The following TRPM3 variants were observed in gnomAD, a reference collection of about 807,000 sequenced individuals.
TRPM3 encodes the protein long transient receptor potential channel 3.
A neutral mutation model predicts 181.2 loss-of-function variants in TRPM3; 77 were observed. The observed-to-expected ratio is 0.42, with a 90% CI of 0.35 to 0.51. TRPM3 has a LOEUF of 0.51. Among genes scored for constraint, TRPM3 ranks in the 20% least tolerant of loss-of-function variants. The pLI, the probability that TRPM3 is intolerant of heterozygous loss-of-function variation, is 0.01. For missense variants in TRPM3, 1,759 were observed against 2,196.7 expected (o/e 0.80, Z 3.98); for synonymous variants, 745 against 796.4 (o/e 0.94, Z 1.09).
rs79494606 is a variant in TRPM3, at chr9:71,034,196, G to C, written c.177+86982C>G. ...GCCGCAATCTCTGACTGCCATGATA[G>C]CCTCATCTCAGCTCTGCTTGGCATA... On this transcript the variant is annotated intron_variant, in intron 1 of 25. Transcript: ENST00000677713. Among the ~76,000 whole-genome samples the C allele has an allele frequency of 5.0e-3, 755 of 152,264 alleles. 19 individuals carry two copies. In the East Asian group the frequency reaches 0.078, roughly 16 times the overall value.
intron 1 of TRPM3, among the ~76,000 whole-genome samples, chr9:71,292,735 G>A (rs2085921877): frequency 6.6e-6 from 1 of 151,720 alleles, no homozygotes; most frequent in African/African-American, 2.4e-5. Context: ...CAATAACCTC[G>A]ATATATTACT....
intron 22 of TRPM3, among the ~76,000 whole-genome samples, chr9:70,578,298 C>CA (rs56376771): frequency 0.014 from 1,639 of 116,314 alleles, 11 homozygotes; most frequent in African/African-American, 0.023. Context: ...CTTTTGTATC[C>CA]AAAAAAAAAA....
intron 9 of TRPM3, among the ~76,000 whole-genome samples, chr9:70,662,625 C>A (rs1366351011): frequency 2.6e-5 from 4 of 152,056 alleles, no homozygotes; most frequent in Admixed American, 6.6e-5. Flanking sequence ...AAATGGCCAA[C>A]AAACACATGA....
rs117546444 is a variant in TRPM3 at position 70,777,272 on chromosome 9, T to C, written c.1148+6833A>G. On this transcript the variant is annotated intron_variant, in intron 7 of 25. Transcript: ENST00000677713. ...TTTCCTAAAGAGTTTTGCTCAACTC[T>C]TTAGAAAATAGTGTGGAGCTGAGCA... Among the ~76,000 whole-genome samples the C allele has an allele frequency of 5.1e-3, 774 of 152,270 alleles. 4 individuals are homozygous for C. The highest frequency in any genetic ancestry group is 0.02 in the Middle Eastern group (6 of 294).
intron 1 of TRPM3, among the ~76,000 whole-genome samples, chr9:71,406,757 T>G (rs1301859215): frequency 6.6e-6 from 1 of 152,180 alleles, no homozygotes; most frequent in Non-Finnish European, 1.5e-5. Context: ...TAGGAGACTC[T>G]GGGGTATTGA....
At chr9:70,649,229 C>G (rs2059305639) in intron 9 of TRPM3, among the ~76,000 whole-genome samples, 1 of 148,380 alleles carries the variant, frequency 6.7e-6, no homozygotes, top group South Asian at 2.1e-4. Context: ...CACTCTGTCA[C>G]CCAGGCTGGA....
At position 71,177,170 on chromosome 9, in the gene TRPM3, T is replaced by C. The variant is rs192800427; in HGVS notation, c.183+269483A>G. ...CTCCTTATGAGAATCTAATGCCTTG[T>C]GATCGGTTTTTGTCTCCCAAAACCC... is the stretch of plus-strand genomic sequence containing the variant. On this transcript the variant is annotated intron_variant, in intron 1 of 24. Coordinates refer to the TRPM3 transcript ENST00000357533. 5.5e-3 allele frequency among the ~76,000 whole-genome samples: 843 copies of C among 152,254 alleles called. 6 individuals carry two copies. Among genetic ancestry groups the C allele is most frequent in the Middle Eastern group, 0.031 (9 of 294 alleles).
chr9:71,083,438 C>T (rs1414760869), intron 1 of TRPM3, among the ~76,000 whole-genome samples: 1 of 151,946 alleles, frequency 6.6e-6, no homozygotes, highest in African/African-American at 2.4e-5. Flanking sequence ...AGTCCTCTTC[C>T]CGATCCTTCA....
At chr9:71,411,311 T>C (rs892402991) in intron 1 of TRPM3, among the ~76,000 whole-genome samples, 2 of 152,204 alleles carry the variant, frequency 1.3e-5, no homozygotes, top group Admixed American at 6.5e-5. Context: ...GGAAGTCAAA[T>C]AGTCCCTGTT....
At chr9:71,433,546 G>A (rs1388044436) in intron 1 of TRPM3, among the ~76,000 whole-genome samples, 1 of 152,128 alleles carries the variant, frequency 6.6e-6, no homozygotes, top group Non-Finnish European at 1.5e-5. Flanking sequence ...TTTGCAGCAT[G>A]AAAACAAATA....
intron 1 of TRPM3, among the ~76,000 whole-genome samples, chr9:71,184,923 T>C (rs1327665131): frequency 7.2e-5 from 11 of 152,134 alleles, no homozygotes; most frequent in African/African-American, 2.7e-4. Flanking sequence ...GAGTAAGAAA[T>C]AGGCTGTCAA....
intron 9 of TRPM3, among the ~76,000 whole-genome samples, chr9:70,656,752 G>C (rs1019892314): frequency 1.3e-5 from 2 of 151,850 alleles, no homozygotes; most frequent in Admixed American, 1.3e-4. Flanking sequence ...TCATTATTTG[G>C]GTATTTTCCA....
At chr9:70,904,528 G>GAGGTTAAGT (rs1188831262) in intron 1 of TRPM3, among the ~76,000 whole-genome samples, 2 of 152,128 alleles carry the variant, frequency 1.3e-5, no homozygotes, top group Non-Finnish European at 2.9e-5. Flanking sequence ...AAGGACCTCA[G>GAGGTTAAGT]AGGCGGATAA....
chr9:71,192,065 T>C (rs1407301630), intron 1 of TRPM3, among the ~76,000 whole-genome samples: 1 of 151,906 alleles, frequency 6.6e-6, no homozygotes, highest in Non-Finnish European at 1.5e-5. Context: ...CCTTTACGTC[T>C]GAGCTTAAAG....
chr9:70,701,189 C>T (rs183474542), intron 8 of TRPM3, among the ~76,000 whole-genome samples: 1 of 152,304 alleles, frequency 6.6e-6, no homozygotes, highest in African/African-American at 2.4e-5. Flanking sequence ...GGAATAGACA[C>T]ATCTATCTTC....
intron 8 of TRPM3, among the ~76,000 whole-genome samples, chr9:70,750,727 A>T (rs2075992759): frequency 6.6e-6 from 1 of 152,160 alleles, no homozygotes; most frequent in African/African-American, 2.4e-5. Flanking sequence ...GAGAAAATGA[A>T]ACGAGAATTG....
intron 12 of TRPM3, 68 bp downstream of exon 12, chr9:70,635,143 G>A: frequency 7.0e-7 from 1 of 1,425,748 alleles, no homozygotes; most frequent in Non-Finnish European, 9.9e-7. Flanking sequence ...ATGCAAAACA[G>A]AGGCACTCTC....
intron 1 of TRPM3, among the ~76,000 whole-genome samples, chr9:71,081,550 A>G (rs1335243134): frequency 6.6e-6 from 1 of 152,188 alleles, no homozygotes; most frequent in Non-Finnish European, 1.5e-5. Context: ...TCAGGAAAAG[A>G]TTTGCAAGAT....
At chr9:71,019,146 C>T (rs560028483) in intron 1 of TRPM3, among the ~76,000 whole-genome samples, 2 of 151,996 alleles carry the variant, frequency 1.3e-5, no homozygotes, top group South Asian at 2.1e-4. Context: ...CTAAACCCTA[C>T]AGCAAATATG....
Sources: allele counts gnomAD v4.1 joint callset (sites outside exome capture counted in the v4.1 genomes callset), GRCh38; gene constraint gnomAD v4.1.1; transcripts MANE v1.5; gene names NCBI Gene and HGNC (gene_info 2026-07-23, HGNC 2026-07-21).